The following PTPRT variants were observed in gnomAD, a reference collection of about 807,000 sequenced individuals.
The protein encoded by PTPRT is receptor-type tyrosine-protein phosphatase T.
PTPRT carries 56 observed loss-of-function variants against 176.8 expected under a neutral mutation model. The ratio of observed to expected loss-of-function variants is 0.32; its 90% CI spans 0.26 to 0.40. The LOEUF (loss-of-function observed/expected upper bound fraction) is 0.40. PTPRT is among the 10% of genes least tolerant of loss of function. The probability of loss-of-function intolerance (pLI) is 1.00; values close to 1 mark genes in which losing one functional copy is unlikely to be tolerated. For missense variants in PTPRT, 1,540 were observed against 1,908.2 expected, an observed-to-expected ratio of 0.81 and a Z score of 3.60; for synonymous variants, 783 against 739.0, an observed-to-expected ratio of 1.06 and a Z score of -0.96.
At chr20:43,094,847 G>A (rs1430615310) in intron 1 of PTPRT, among the ~76,000 whole-genome samples, 2 of 152,118 alleles carry the variant, frequency 1.3e-5, no homozygotes, top group African/African-American at 4.8e-5. Context: ...ATGGACGAAG[G>A]ATTACAGACA....
intron 1 of PTPRT, among the ~76,000 whole-genome samples, chr20:43,107,430 G>A (rs190859293): frequency 3.9e-5 from 6 of 152,318 alleles, no homozygotes; most frequent in Non-Finnish European, 7.4e-5. Flanking sequence ...AATACAACTT[G>A]AAGAGTTTCA....
chr20:43,130,565 A>G (rs2013613619), intron 1 of PTPRT, among the ~76,000 whole-genome samples: 1 of 152,246 alleles, frequency 6.6e-6, no homozygotes, highest in African/African-American at 2.4e-5. Flanking sequence ...CTGTTCACAG[A>G]AGAATAAAGA....
chr20:43,158,556 T>C (rs1488255107), intron 1 of PTPRT, among the ~76,000 whole-genome samples: 1 of 152,190 alleles, frequency 6.6e-6, no homozygotes, highest in Non-Finnish European at 1.5e-5. Context: ...TATCATTTCA[T>C]CTCCCCCATT....
At chr20:43,099,108 GAC>G (rs146407327) in intron 1 of PTPRT, among the ~76,000 whole-genome samples, 2 of 150,892 alleles carry the variant, frequency 1.3e-5, no homozygotes, top group Non-Finnish European at 3.0e-5. Flanking sequence ...CCACCCCCAA[GAC>G]ACACACACAC....
At chr20:42,151,262 C>T (rs1325012840) in intron 17 of PTPRT, among the ~76,000 whole-genome samples, 35 of 152,068 alleles carry the variant, frequency 2.3e-4, no homozygotes, top group Admixed American at 2.2e-3. Context: ...TTTCAAGCCC[C>T]GCATACATTA....
intron 5 of PTPRT, among the ~76,000 whole-genome samples, chr20:42,763,035 A>G (rs9680100): frequency 0.025 from 3,761 of 152,276 alleles, 69 homozygotes; most frequent in Non-Finnish European, 0.04. Context: ...TGTCCCCAGC[A>G]CAAGTGCATC....
In PTPRT at chr20:42,350,710, C is replaced by A; in HGVS notation, c.1783G>T (p.Asp595Tyr). 2 of 1,612,988 alleles carry A rather than the reference C, an allele frequency of 1.2e-6. No homozygotes were observed. The highest frequency in any genetic ancestry group is 1.7e-6 in the Non-Finnish European group (2 of 1,179,036). The change falls in exon 11 of 31, where the codon GAC becomes TAC. Residue 595 changes from aspartate (D) to tyrosine (Y), a missense_variant. Asp to Tyr is a radical substitution (Grantham distance 160). Around this residue, in one of 11 missense-constraint regions of PTPRT, gnomAD observed 136 missense variants for 135.0 expected, o/e 1.01. Transcript: ENST00000373187. ...KISAPSMPEYDTDTPLNETDT... is the reference protein window; with the variant it reads ...KISAPSMPEYYTDTPLNETDT... Reference sequence around the variant, plus strand: ...GTCTCATTCAATGGGGTGTCTGTGTCGTACTCAGGCATGGATGGAGCTGGA... The same window carrying A: ...GTCTCATTCAATGGGGTGTCTGTGTAGTACTCAGGCATGGATGGAGCTGGA...
intron 13 of PTPRT, among the ~76,000 whole-genome samples, chr20:42,263,473 C>T (rs1464869170): frequency 6.7e-6 from 1 of 149,980 alleles, no homozygotes; most frequent in Admixed American, 6.7e-5. Context: ...CTCCACCTCC[C>T]GGCTTCAAGT....
At chr20:42,844,783 C>T (rs1435106468) in intron 2 of PTPRT, among the ~76,000 whole-genome samples, 3 of 152,128 alleles carry the variant, frequency 2.0e-5, no homozygotes, top group East Asian at 1.9e-4. Flanking sequence ...TTCATCAGTT[C>T]GAGCCCCTGT....
chr20:43,159,706 T>A (rs920293916), intron 1 of PTPRT, among the ~76,000 whole-genome samples: 1 of 152,142 alleles, frequency 6.6e-6, no homozygotes, highest in Non-Finnish European at 1.5e-5. Flanking sequence ...CCATATAATA[T>A]ACTCTCAGAT....
At chr20:43,188,739 C>T (rs1385913357) in intron 1 of PTPRT, among the ~76,000 whole-genome samples, 1 of 132,602 alleles carries the variant, frequency 7.5e-6, no homozygotes, top group Admixed American at 8.6e-5. Flanking sequence ...CTTCCCTCCG[C>T]CGCTACTCTT....
chr20:42,452,889 T>C (rs2070856095), intron 8 of PTPRT, among the ~76,000 whole-genome samples: 2 of 152,242 alleles, frequency 1.3e-5, no homozygotes, highest in African/African-American at 4.8e-5. Flanking sequence ...TAGAAATCTA[T>C]AATTCCTTAC....
intron 9 of PTPRT, among the ~76,000 whole-genome samples, chr20:42,377,882 G>C (rs1320141813): frequency 6.6e-6 from 1 of 152,190 alleles, no homozygotes; most frequent in African/African-American, 2.4e-5. Flanking sequence ...TAACACTATA[G>C]GAAGAACCTG....
intron 18 of PTPRT, among the ~76,000 whole-genome samples, chr20:42,132,030 G>GCTC (rs1988146897): frequency 6.6e-6 from 1 of 152,174 alleles, no homozygotes; most frequent in African/African-American, 2.4e-5. Flanking sequence ...ATTTCAGAAG[G>GCTC]CTCTCCATGC....
At chr20:42,264,977 C>T (rs1417706686) in intron 13 of PTPRT, among the ~76,000 whole-genome samples, 2 of 152,340 alleles carry the variant, frequency 1.3e-5, no homozygotes, top group African/African-American at 4.8e-5. Flanking sequence ...TTGCCTGCTG[C>T]TCACTCTCTG....
intron 7 of PTPRT, among the ~76,000 whole-genome samples, chr20:42,480,429 T>C (rs1161756382): frequency 1.3e-5 from 2 of 152,186 alleles, no homozygotes; most frequent in African/African-American, 4.8e-5. Context: ...ACTGGCCTCA[T>C]TCTTTTAACC....
At chr20:42,179,095 T>C (rs1990412647) in intron 16 of PTPRT, among the ~76,000 whole-genome samples, 1 of 152,214 alleles carries the variant, frequency 6.6e-6, no homozygotes, top group Non-Finnish European at 1.5e-5. Context: ...GGGGCCATCT[T>C]AAAGTTTGCC....
chr20:42,463,428 A>T (rs1312159865), intron 8 of PTPRT, among the ~76,000 whole-genome samples: 1 of 152,148 alleles, frequency 6.6e-6, no homozygotes, highest in Non-Finnish European at 1.5e-5. Context: ...GCACACTAAA[A>T]TTGCTAATTT....
the PTPRT span, among the ~76,000 whole-genome samples, chr20:42,035,603 C>G: frequency 5.8e-4 from 89 of 152,234 alleles, no homozygotes; most frequent in African/African-American, 2.1e-3. Flanking sequence ...AGCCCCCATC[C>G]CACAATCCCC....
Sources: allele counts gnomAD v4.1 joint callset (sites outside exome capture counted in the v4.1 genomes callset), GRCh38; gene constraint gnomAD v4.1.1; regional missense constraint gnomAD v4.1.1; transcripts MANE v1.5; gene names NCBI Gene and HGNC (gene_info 2026-07-23, HGNC 2026-07-21).